Variants in LRRTM4 observed in about 807,000 individuals in gnomAD.
LRRTM4 encodes the protein leucine-rich repeat transmembrane neuronal protein 4.
Under a neutral mutation model 47.6 loss-of-function variants are expected in LRRTM4, and 25 were observed. The ratio of observed to expected loss-of-function variants is 0.53; its 90% CI spans 0.38 to 0.73. The LOEUF (loss-of-function observed/expected upper bound fraction) is 0.73. Among genes scored for constraint, LRRTM4 ranks in the 30% least tolerant of loss-of-function variants. LRRTM4 has a pLI of 0.00. For synonymous variants in LRRTM4, 311 were observed against 269.5 expected (o/e 1.15, Z -1.51); for missense variants, 638 against 713.4 (o/e 0.89, Z 1.20).
intron 3 of LRRTM4, among the ~76,000 whole-genome samples, chr2:77,097,350 G>T (rs1225532767): frequency 1.3e-5 from 2 of 151,846 alleles, no homozygotes; most frequent in East Asian, 3.9e-4. Flanking sequence ...ATAACATTTT[G>T]AATATGTCAC....
At chr2:77,026,213 C>G (rs1222086074) in intron 3 of LRRTM4, among the ~76,000 whole-genome samples, 1 of 152,102 alleles carries the variant, frequency 6.6e-6, no homozygotes, top group African/African-American at 2.4e-5. Flanking sequence ...AAAATAATAG[C>G]TAGCATTTAT....
chr2:77,338,127 C>T (rs1671231927), intron 3 of LRRTM4, among the ~76,000 whole-genome samples: 2 of 152,058 alleles, frequency 1.3e-5, no homozygotes. Flanking sequence ...AAACCCCAAA[C>T]TATACAATCC....
At chr2:77,326,167 G>A (rs1670767046) in intron 3 of LRRTM4, among the ~76,000 whole-genome samples, 1 of 152,146 alleles carries the variant, frequency 6.6e-6, no homozygotes, top group Admixed American at 6.5e-5. Flanking sequence ...ATACCATTTT[G>A]TTCCATGACT....
intron 3 of LRRTM4, among the ~76,000 whole-genome samples, chr2:77,469,256 C>A (rs960239361): frequency 6.6e-6 from 1 of 152,342 alleles, no homozygotes; most frequent in Non-Finnish European, 1.5e-5. Context: ...AAGCGTTTGC[C>A]TCTGAAAGCA....
rs534960181 is a variant in LRRTM4 at position 76,772,733 on chromosome 2, T to G, written c.1552-23817A>C. 3.3e-5 allele frequency among the ~76,000 whole-genome samples: 5 copies of G among 152,342 alleles called. 1 individual carries two copies. In the East Asian group the frequency reaches 9.6e-4, roughly 29 times the overall value. ...TTCAGTTACTCTCAGTATAGTACAA[T>G]AAGACATTTTGAGAAAGAGACTGCA... On this transcript the variant is annotated intron_variant, in intron 3 of 3. Coordinates refer to ENST00000409884, the MANE Select transcript of LRRTM4 (RefSeq NM_001134745.3).
At chr2:77,413,521 A>T (rs17014062) in intron 3 of LRRTM4, among the ~76,000 whole-genome samples, 8,931 of 152,218 alleles carry the variant, frequency 0.059, 895 homozygotes, top group African/African-American at 0.2. Flanking sequence ...TGGACCAATC[A>T]TTGTTACCTG....
At chr2:77,045,934 C>T (rs1465041645) in intron 3 of LRRTM4, among the ~76,000 whole-genome samples, 2 of 152,042 alleles carry the variant, frequency 1.3e-5, no homozygotes, top group East Asian at 1.9e-4. Flanking sequence ...CCATACATTA[C>T]ATTTGATTGT....
intron 3 of LRRTM4, among the ~76,000 whole-genome samples, chr2:76,817,959 A>G (rs1670948743): frequency 6.6e-6 from 1 of 152,006 alleles, no homozygotes; most frequent in African/African-American, 2.4e-5. Flanking sequence ...CATGTTGGAC[A>G]TAACACTAAG....
At chr2:77,472,927 C>T (rs1019429280) in intron 3 of LRRTM4, among the ~76,000 whole-genome samples, 2 of 152,130 alleles carry the variant, frequency 1.3e-5, no homozygotes, top group African/African-American at 4.8e-5. Flanking sequence ...TCATCTTTTG[C>T]TCACAGCAAT....
At chr2:77,221,676 C>T (rs1444299542) in intron 3 of LRRTM4, among the ~76,000 whole-genome samples, 1 of 151,882 alleles carries the variant, frequency 6.6e-6, no homozygotes, top group Admixed American at 6.6e-5. Flanking sequence ...TATATATGCA[C>T]CCAATACAGG....
chr2:77,494,006 T>C (rs1189389115), intron 3 of LRRTM4, among the ~76,000 whole-genome samples: 1 of 152,062 alleles, frequency 6.6e-6, no homozygotes, highest in Non-Finnish European at 1.5e-5. Flanking sequence ...GCAAGGATAG[T>C]TAAAATTAGG....
At chr2:77,054,189 G>A (rs1679528852) in intron 3 of LRRTM4, among the ~76,000 whole-genome samples, 3 of 152,154 alleles carry the variant, frequency 2.0e-5, no homozygotes, top group Admixed American at 1.3e-4. Flanking sequence ...ACGGTGCCTT[G>A]GGAGAGGGTA....
At chr2:77,480,825 GAGAGAGAGAGAGA>G (rs1364143405) in intron 3 of LRRTM4, among the ~76,000 whole-genome samples, 941 of 25,332 alleles carry the variant, frequency 0.037, 2 homozygotes, top group Non-Finnish European at 0.052. Context: ...TGTGTGTGGA[GAGAGAGAGAGAGA>G]GAGAGAGAGA....
At chr2:77,509,231 C>A (rs202135395) in intron 3 of LRRTM4, among the ~76,000 whole-genome samples, 123 of 138,146 alleles carry the variant, frequency 8.9e-4, no homozygotes, top group African/African-American at 1.2e-3. Flanking sequence ...GACTCTGTAT[C>A]AAAAAAAAAA....
intron 3 of LRRTM4, among the ~76,000 whole-genome samples, chr2:77,245,623 C>CTTTT (rs397731625): frequency 6.7e-6 from 1 of 149,036 alleles, no homozygotes; most frequent in Admixed American, 6.7e-5. Context: ...ACTTTAAACA[C>CTTTT]TTTTTTTTTG....
At chr2:76,976,646 T>C (rs895283600) in intron 3 of LRRTM4, among the ~76,000 whole-genome samples, 1 of 151,912 alleles carries the variant, frequency 6.6e-6, no homozygotes, top group African/African-American at 2.4e-5. Flanking sequence ...TTATCTGATT[T>C]CATCCATTTC....
rs189648745 is a variant in LRRTM4 at position 76,945,167 on chromosome 2, T to G, written c.1552-196251A>C. Among the ~76,000 whole-genome samples, 8 of 152,216 alleles carry G rather than the reference T, an allele frequency of 5.3e-5. No individual in the cohort carries two copies. The East Asian group carries it at 1.4e-3, about 26-fold the overall frequency. On this transcript the variant is annotated intron_variant, in intron 3 of 3. Coordinates refer to ENST00000409884, the MANE Select transcript of LRRTM4 (RefSeq NM_001134745.3). ...AAGGGAATCTTACCAAGTGTAATTATTTAATAGTTTTCCTTTTATCTCTGT... is the reference window on the plus strand; with the variant it reads ...AAGGGAATCTTACCAAGTGTAATTAGTTAATAGTTTTCCTTTTATCTCTGT...
At chr2:77,108,514 C>A (rs1671158054) in intron 3 of LRRTM4, among the ~76,000 whole-genome samples, 1 of 151,116 alleles carries the variant, frequency 6.6e-6, no homozygotes, top group East Asian at 1.9e-4. Context: ...ATAACTTCTT[C>A]AGTTGTATTA....
chr2:77,175,538 T>C (rs1297964760), intron 3 of LRRTM4, among the ~76,000 whole-genome samples: 1 of 152,068 alleles, frequency 6.6e-6, no homozygotes, highest in Non-Finnish European at 1.5e-5. Flanking sequence ...TGCTCTCCAT[T>C]ATCTCAAGCA....
Sources: allele counts gnomAD v4.1 joint callset (sites outside exome capture counted in the v4.1 genomes callset), GRCh38; gene constraint gnomAD v4.1.1; transcripts MANE v1.5; gene names NCBI Gene and HGNC (gene_info 2026-07-23, HGNC 2026-07-21).